SNX3: variants seen among roughly 807,000 people sequenced by gnomAD.
The protein encoded by SNX3 is sorting nexin-3.
SNX3 carries 5 observed loss-of-function variants against 17.7 expected under a neutral mutation model. That is an observed-to-expected ratio of 0.28 (90% CI 0.15 to 0.59). The LOEUF is 0.59. Among genes scored for constraint, SNX3 ranks in the 20% least tolerant of loss-of-function variants. The pLI is 0.88. For missense variants in SNX3, 132 were observed against 206.8 expected (o/e 0.64, Z 2.22); for synonymous variants, 91 against 76.5 (o/e 1.19, Z -0.99).
chr6:108,228,447 G>A (rs946924140), intron 1 of SNX3, among the ~76,000 whole-genome samples: 3 of 152,088 alleles, frequency 2.0e-5, no homozygotes, highest in African/African-American at 7.2e-5. Context: ...TACTCGGGAT[G>A]CTGAGGCAGA....
chr6:108,213,140 C>T (rs1774458628), intron 3 of SNX3, among the ~76,000 whole-genome samples: 1 of 151,694 alleles, frequency 6.6e-6, no homozygotes, highest in African/African-American at 2.4e-5. Context: ...CTGCCCACCT[C>T]GGCCTCCCAA....
At chr6:108,254,904 T>A (rs1376009451) in intron 1 of SNX3, among the ~76,000 whole-genome samples, 1 of 152,090 alleles carries the variant, frequency 6.6e-6, no homozygotes, top group East Asian at 1.9e-4. Flanking sequence ...AGAACTCAGC[T>A]TAATTGGGAG....
rs146240207 is a variant in SNX3 at position 108,245,395 on chromosome 6, G to A, written c.162+15365C>T. Among the ~76,000 whole-genome samples the A allele has an allele frequency of 4.9e-4, 75 of 152,244 alleles. 3 individuals are homozygous for A. The East Asian group carries it at 0.01, about 21-fold the overall frequency. ...GGGTTGGTTCCAAGTCTTCGCTATCGTAAATAGTGCTGCAATAAACATACG... is the reference window on the plus strand; with the variant it reads ...GGGTTGGTTCCAAGTCTTCGCTATCATAAATAGTGCTGCAATAAACATACG... On this transcript the variant is annotated intron_variant, in intron 1 of 3. Transcript: ENST00000230085.
Position 108,260,972 on chromosome 6 carries a change from T to TCAGCCG in SNX3, c.-57_-52dup. ...CGGGCTCCCTCCGCCCCCTCCGCGT[T>TCAGCCG]CAGCCGCCGCCGCCGCCGCTGCTGC... On this transcript the variant is annotated 5_prime_UTR_variant, in exon 1 of 4. Coordinates refer to ENST00000230085, the MANE Select transcript of SNX3 (RefSeq NM_003795.6). 1 of 1,440,228 alleles carries TCAGCCG rather than the reference T, an allele frequency of 6.9e-7. No individual in the cohort carries two copies. The highest frequency in any genetic ancestry group is 9.1e-7 in the Non-Finnish European group (1 of 1,101,902). 89.2% of individuals were successfully genotyped at this position (1,440,228 alleles called of 1,614,324 possible).
rs533275048 is a variant in SNX3, at chr6:108,211,689, G to C, written c.*460C>G. 3.9e-5 allele frequency: 6 copies of C among 153,508 alleles called. No individual in the cohort carries two copies. The highest frequency in any genetic ancestry group is 1.4e-4 in the African/African-American group (6 of 41,442). 9.5% of individuals were successfully genotyped at this position (153,508 alleles called of 1,614,324 possible). Reference sequence around the variant, plus strand: ...GAAGATACTTTCTGCACACAAGTATGTATCTTATGTGTGCAGTATTGGAAA... The same window carrying C: ...GAAGATACTTTCTGCACACAAGTATCTATCTTATGTGTGCAGTATTGGAAA... On this transcript the variant is annotated 3_prime_UTR_variant, in exon 4 of 4. Transcript: ENST00000230085.
rs895218714 is a variant in SNX3 at position 108,212,352 on chromosome 6, T to C, written c.384-98A>G. On this transcript the variant is annotated intron_variant, in intron 3 of 3. Coordinates refer to ENST00000230085, the MANE Select transcript of SNX3 (RefSeq NM_003795.6). ...GTTGAGAAGCATGTATAATTTTTTT[T>C]TTTTTGAGATGGAGTCTTGCTCTGT... The C allele has an allele frequency of 1.4e-4, 112 of 805,226 alleles. 1 individual carries two copies. Among genetic ancestry groups the C allele is most frequent in the Middle Eastern group, 3.1e-4 (1 of 3,232 alleles). The allele number at this position is 805,226 out of a possible 1,614,324, so 49.9% of individuals were successfully genotyped here.
chr6:108,230,745 C>T (rs1775121006), intron 1 of SNX3, among the ~76,000 whole-genome samples: 2 of 151,912 alleles, frequency 1.3e-5, no homozygotes, highest in Admixed American at 1.3e-4. Context: ...ATTAGAAACC[C>T]AATATTAACA....
At chr6:108,215,492 A>C (rs1037523362) in intron 2 of SNX3, among the ~76,000 whole-genome samples, 3 of 152,132 alleles carry the variant, frequency 2.0e-5, no homozygotes, top group African/African-American at 7.2e-5. Context: ...AAACAAGTCA[A>C]CTTTCTCCCA....
intron 1 of SNX3, among the ~76,000 whole-genome samples, chr6:108,258,590 G>C (rs1029589728): frequency 7.9e-5 from 12 of 151,970 alleles, no homozygotes; most frequent in African/African-American, 2.9e-4. Flanking sequence ...GCTCTCTGCA[G>C]CCTCGACCTC....
intron 2 of SNX3, among the ~76,000 whole-genome samples, chr6:108,216,164 C>T (rs538481752): frequency 1.3e-5 from 2 of 152,230 alleles, no homozygotes; most frequent in African/African-American, 4.8e-5. Flanking sequence ...GCAGCCTCCC[C>T]CAGACTCAGA....
intron 1 of SNX3, among the ~76,000 whole-genome samples, chr6:108,250,449 T>G (rs192151017): frequency 2.6e-5 from 4 of 152,272 alleles, no homozygotes; most frequent in African/African-American, 7.2e-5. Flanking sequence ...AAGCCCATAA[T>G]TTGCCAACCC....
At chr6:108,253,307 C>T (rs570960396) in intron 1 of SNX3, among the ~76,000 whole-genome samples, 1 of 152,036 alleles carries the variant, frequency 6.6e-6, no homozygotes, top group South Asian at 2.1e-4. Flanking sequence ...AGGAGGCTCA[C>T]TTGAGCCCAG....
intron 1 of SNX3, among the ~76,000 whole-genome samples, chr6:108,259,702 G>A (rs1776132447): frequency 1.3e-5 from 2 of 152,204 alleles, no homozygotes; most frequent in Non-Finnish European, 2.9e-5. Context: ...CTACTGAGCT[G>A]TATGTACACT....
rs532962008 is a variant in SNX3, at chr6:108,233,768, A to G, written c.163-10723T>C. Among the ~76,000 whole-genome samples, 20 of 152,290 alleles carry G rather than the reference A, an allele frequency of 1.3e-4. No homozygotes were observed. In the South Asian group the frequency reaches 3.7e-3, roughly 28 times the overall value. On this transcript the variant is annotated intron_variant, in intron 1 of 3. Transcript: ENST00000230085. ...TGCTGCCCTAGAGTTAATAAATGTG[A>G]AAGAGGGTAGGAACTTGGGAATTTG...
At chr6:108,247,887 C>G (rs1775740282) in intron 1 of SNX3, among the ~76,000 whole-genome samples, 2 of 151,848 alleles carry the variant, frequency 1.3e-5, no homozygotes, top group African/African-American at 4.8e-5. Flanking sequence ...TGCTTGAGCT[C>G]AGGAGTTCAA....
In SNX3 at chr6:108,219,612, C is replaced by G. The variant is rs1285433240; in HGVS notation, c.258+3338G>C. 5.3e-5 allele frequency among the ~76,000 whole-genome samples: 8 copies of G among 152,288 alleles called. No individual in the cohort carries two copies. The East Asian group carries it at 9.6e-4, about 18-fold the overall frequency. On this transcript the variant is annotated intron_variant, in intron 2 of 3. Transcript: ENST00000230085. ...GGCAACAGAGCAAGGCTCTGTCAAT[C>G]AATCAATCAATCAATCTCCCAACCA...
chr6:108,242,440 C>T (rs778223012), intron 1 of SNX3, among the ~76,000 whole-genome samples: 1 of 152,156 alleles, frequency 6.6e-6, no homozygotes, highest in Non-Finnish European at 1.5e-5. Flanking sequence ...CTCATCACTA[C>T]AGGGGACCCA....
chr6:108,260,680 G>C, intron 1 of SNX3, 80 bp downstream of exon 1: 1 of 1,527,932 alleles, frequency 6.5e-7, no homozygotes, highest in Non-Finnish European at 9.0e-7. Flanking sequence ...GGCTGCCCGC[G>C]GGGGTCCACT....
intron 1 of SNX3, among the ~76,000 whole-genome samples, chr6:108,236,317 T>C (rs1342977054): frequency 6.7e-6 from 1 of 150,196 alleles, no homozygotes; most frequent in Admixed American, 6.6e-5. Context: ...ACCCTGTCTC[T>C]CTCTCTACCT....
Sources: allele counts gnomAD v4.1 joint callset (sites outside exome capture counted in the v4.1 genomes callset), GRCh38; gene constraint gnomAD v4.1.1; transcripts MANE v1.5; gene names NCBI Gene and HGNC (gene_info 2026-07-23, HGNC 2026-07-21).